The following CDKL5 variants were observed in gnomAD, a reference collection of about 807,000 sequenced individuals.
The protein encoded by CDKL5 is cyclin dependent kinase like 5, also known as cyclin-dependent kinase-like 5.
A neutral mutation model predicts 61.7 loss-of-function variants in CDKL5; 8 were observed. The ratio of observed to expected loss-of-function variants is 0.13; its 90% confidence interval spans 0.08 to 0.23. The LOEUF is 0.23. Among genes scored for constraint, CDKL5 ranks in the 10% least tolerant of loss-of-function variants. The pLI is 1.00. For synonymous variants in CDKL5, 275 were observed against 272.3 expected (o/e 1.01, Z -0.10); for missense variants, 440 against 734.5 (o/e 0.60, Z 4.63).
intron 3 of CDKL5, among the ~76,000 whole-genome samples, chrX:18,526,919 G>T (rs1923464753): frequency 9.0e-6 from 1 of 110,722 alleles, no homozygotes; most frequent in African/African-American, 3.3e-5. Flanking sequence ...GAGTAGCTGG[G>T]ATTACAGGCA....
chrX:18,604,813 G>A lies in CDKL5; in HGVS notation c.1889G>A (p.Ser630Asn), dbSNP rs1371970734. 2.5e-6 allele frequency: 3 copies of A among 1,211,612 alleles called. No individual in the cohort carries two copies. In the South Asian group the frequency reaches 5.3e-5, roughly 21 times the overall value. ...VRAKGLDGSL[S>N]IGQGMAARAN... ...GCCAAGGGCTTGGATGGAAGCTTGA[G>A]CATAGGGCAAGGGATGGCAGCTAGA... The change falls in exon 12 of 18, where the codon AGC becomes AAC. Residue 630 changes from serine (S) to asparagine (N), a missense_variant. This residue lies in a region of CDKL5 where 363 missense variants were observed against 516.3 expected (regional missense o/e 0.70). Transcript: ENST00000623535.
At chrX:18,433,179 G>A (rs1931535052) in intron 1 of CDKL5, among the ~76,000 whole-genome samples, 1 of 107,979 alleles carries the variant, frequency 9.3e-6, no homozygotes, top group South Asian at 4.1e-4. Context: ...AGTGAGCCAA[G>A]ATCGTATCAC....
intron 15 of CDKL5, among the ~76,000 whole-genome samples, chrX:18,618,741 G>T (rs1485087767): frequency 1.8e-5 from 2 of 111,684 alleles, no homozygotes; most frequent in African/African-American, 6.5e-5. Context: ...GGCTGAGGTG[G>T]GCAGATCACT....
chrX:18,429,868 C>T (rs1212496604), intron 1 of CDKL5, among the ~76,000 whole-genome samples: 2 of 111,911 alleles, frequency 1.8e-5, no homozygotes, highest in East Asian at 5.6e-4. Context: ...GAACTCCTGG[C>T]GTCAAGCGAT....
At chrX:18,448,994 A>G (rs1303604237) in intron 1 of CDKL5, among the ~76,000 whole-genome samples, 1 of 111,665 alleles carries the variant, frequency 9.0e-6, no homozygotes, top group East Asian at 2.8e-4. Context: ...AGCTGGGATT[A>G]CAGGCGCCCG....
At chrX:18,570,232 A>G (rs1925095111) in intron 4 of CDKL5, among the ~76,000 whole-genome samples, 2 of 111,787 alleles carry the variant, frequency 1.8e-5, no homozygotes, top group African/African-American at 6.5e-5. Flanking sequence ...TAAACAAATA[A>G]TTTGATTAAC....
chrX:18,487,124 A>C lies in CDKL5; in HGVS notation c.-162-19811A>C, dbSNP rs1246997431. Reference sequence around the variant, plus strand: ...AGCATGCCATAATAGATGCTTAATAAATGTTTGTTGAATTTGAGTAGGGTA... The same window carrying C: ...AGCATGCCATAATAGATGCTTAATACATGTTTGTTGAATTTGAGTAGGGTA... On this transcript the variant is annotated intron_variant, in intron 1 of 17. Transcript: ENST00000623535. 3.6e-5 allele frequency among the ~76,000 whole-genome samples: 4 copies of C among 112,266 alleles called. No individual in the cohort carries two copies. The East Asian group carries it at 1.1e-3, about 31-fold the overall frequency.
chrX:18,507,091 G>T lies in CDKL5; in HGVS notation c.-6G>T. On this transcript the variant is annotated 5_prime_UTR_variant, in exon 2 of 18. Coordinates refer to ENST00000623535, the MANE Select transcript of CDKL5 (RefSeq NM_001323289.2). The stretch of plus-strand genomic sequence containing the variant: ...GTGGCTTGCATCAAAAGAGGAGTTT[G>T]TCTTCATGAAGATTCCTAACATTGG... The T allele has an allele frequency of 8.4e-7, 1 of 1,183,595 alleles. No homozygotes were observed. Among genetic ancestry groups the T allele is most frequent in the Non-Finnish European group, 1.1e-6 (1 of 870,360 alleles).
rs2071829 is a variant in CDKL5 at position 18,651,113 on chromosome X, C to T, written c.2980+521C>T. On this transcript the variant is annotated intron_variant, in intron 21 of 21. Transcript: ENST00000379989. ...CCTACTCTGTTCTGTCCCCATTACC[C>T]TCCCCGTCCCCCCACCACCGCACCC... 6.1e-3 allele frequency among the ~76,000 whole-genome samples: 644 copies of T among 106,362 alleles called. 50 individuals carry two copies. The East Asian group carries it at 0.14, about 24-fold the overall frequency. The allele number at this position is 106,362 out of a possible 115,157, so 92.4% of individuals were successfully genotyped here.
At chrX:18,581,406 C>T (rs758247639) in intron 6 of CDKL5, among the ~76,000 whole-genome samples, 11 of 111,602 alleles carry the variant, frequency 9.9e-5, no homozygotes, top group African/African-American at 1.6e-4. Flanking sequence ...GCTAAAGAGA[C>T]GTAAATATAG....
chrX:18,450,737 G>C lies in CDKL5; in HGVS notation c.-163+25042G>C, dbSNP rs761419558. 4.5e-4 allele frequency among the ~76,000 whole-genome samples: 50 copies of C among 111,080 alleles called. 1 individual carries two copies. The highest frequency in any genetic ancestry group is 5.7e-5 in the Non-Finnish European group (3 of 53,032). On this transcript the variant is annotated intron_variant, in intron 1 of 17. Transcript: ENST00000623535. ...TTACAGGCATCCGCCACCACGCCCGGTGTTTTCTTGCATTTTTAGTAGAGA... is the reference window on the plus strand; with the variant it reads ...TTACAGGCATCCGCCACCACGCCCGCTGTTTTCTTGCATTTTTAGTAGAGA...
intron 14 of CDKL5, among the ~76,000 whole-genome samples, chrX:18,612,849 A>G (rs767029462): frequency 9.0e-6 from 1 of 110,561 alleles, no homozygotes; most frequent in South Asian, 3.8e-4. Flanking sequence ...TTATGTGAAG[A>G]GCTGATGAGG....
At chrX:18,464,211 T>A (rs1932352721) in intron 1 of CDKL5, among the ~76,000 whole-genome samples, 2 of 110,266 alleles carry the variant, frequency 1.8e-5, no homozygotes, top group African/African-American at 6.6e-5. Context: ...TTAATTTAAT[T>A]GATTACTATT....
At chrX:18,650,299 C>T in intron 20 of CDKL5, 1 of 692,211 alleles carries the variant, frequency 1.4e-6, no homozygotes, top group South Asian at 2.2e-5. Context: ...TACTTACTCC[C>T]CAGGGAAGGT....
Position 18,430,266 on chromosome X carries a change from T to G in CDKL5, c.-163+4571T>G, listed in dbSNP as rs146742406. On this transcript the variant is annotated intron_variant, in intron 1 of 17. Coordinates refer to ENST00000623535, the MANE Select transcript of CDKL5 (RefSeq NM_001323289.2). ...ATTGCATTATAACTTTTGATGGACTTTGATTACATTTGCTACACTAATAAA... is the reference window on the plus strand; with the variant it reads ...ATTGCATTATAACTTTTGATGGACTGTGATTACATTTGCTACACTAATAAA... 8.6e-3 allele frequency among the ~76,000 whole-genome samples: 969 copies of G among 112,353 alleles called. 9 individuals carry two copies. The highest frequency in any genetic ancestry group is 0.029 in the African/African-American group (907 of 30,925).
Position 18,507,138 on chromosome X carries a change from G to A in CDKL5, c.42G>A (p.Glu14=), listed in dbSNP as rs1300830629. 8.3e-7 allele frequency: 1 copy of A among 1,201,313 alleles called. No individual in the cohort carries two copies. Among genetic ancestry groups the A allele is most frequent in the South Asian group, 1.8e-5 (1 of 56,704 alleles). The change falls in exon 2 of 18, where the codon GAG becomes GAA. Residue 14 remains glutamate, a synonymous_variant. Transcript: ENST00000623535. ...TTGGTAATGTGATGAATAAATTTGA[G>A]ATCCTTGGGGTTGTAGGTGAAGGTA... ...PNIGNVMNKF[E]ILGVVGEGAY...
intron 9 of CDKL5, chrX:18,589,729 T>C (rs1158722431): frequency 8.9e-6 from 1 of 112,209 alleles, no homozygotes; most frequent in African/African-American, 3.2e-5. Flanking sequence ...TCCACAATGG[T>C]TGAACTAGTT....
At chrX:18,434,944 A>G (rs867460762) in intron 1 of CDKL5, among the ~76,000 whole-genome samples, 3 of 111,877 alleles carry the variant, frequency 2.7e-5, no homozygotes, top group Middle Eastern at 9.2e-3. Flanking sequence ...GAAGAAAAAG[A>G]TTTTGTATTA....
intron 19 of CDKL5, among the ~76,000 whole-genome samples, chrX:18,645,726 C>T (rs1183451781): frequency 9.0e-6 from 1 of 111,154 alleles, no homozygotes; most frequent in Non-Finnish European, 1.9e-5. Flanking sequence ...AATGTGCTTG[C>T]GATACTCTTC....
Sources: allele counts gnomAD v4.1 joint callset (sites outside exome capture counted in the v4.1 genomes callset), GRCh38; gene constraint gnomAD v4.1.1; regional missense constraint gnomAD v4.1.1; transcripts MANE v1.5; gene names NCBI Gene and HGNC (gene_info 2026-07-23, HGNC 2026-07-21).